Variants in TULP4 observed in about 807,000 individuals in gnomAD.
The protein encoded by TULP4 is tubby-related protein 4.
In TULP4, 16 loss-of-function variants were observed where a neutral mutation model predicts 129.0. That is an observed-to-expected ratio of 0.12 (90% CI 0.08 to 0.19). The LOEUF (loss-of-function observed/expected upper bound fraction) is 0.19. Among genes scored for constraint, TULP4 ranks in the 10% least tolerant of loss-of-function variants. The probability of loss-of-function intolerance (pLI) is 1.00; values close to 1 mark genes in which losing one functional copy is unlikely to be tolerated. For synonymous variants in TULP4, 998 were observed against 854.0 expected (o/e 1.17, Z -2.94); for missense variants, 1,842 against 2,059.1 (o/e 0.89, Z 2.04).
At chr6:158,444,025 C>T (rs969014652) in intron 3 of TULP4, among the ~76,000 whole-genome samples, 87 of 151,902 alleles carry the variant, frequency 5.7e-4, no homozygotes, top group African/African-American at 8.0e-4. Flanking sequence ...TGAGACCATC[C>T]TGGCTAACAC....
chr6:158,258,543 T>C (rs918760027), intron 1 of TULP4, among the ~76,000 whole-genome samples: 2 of 152,166 alleles, frequency 1.3e-5, no homozygotes, highest in Non-Finnish European at 2.9e-5. Flanking sequence ...GTCGTTGAGG[T>C]TCAGCAGAAG....
At chr6:158,500,933 A>G (rs7774086) in intron 12 of TULP4, among the ~76,000 whole-genome samples, 149,912 of 152,286 alleles carry the variant, frequency 0.98, 73,811 homozygotes, top group East Asian at 1. Context: ...GGTGGCGCTC[A>G]CCTGCAGTCC....
intron 8 of TULP4, among the ~76,000 whole-genome samples, chr6:158,489,321 T>A (rs969253234): frequency 6.6e-6 from 1 of 152,228 alleles, no homozygotes. Flanking sequence ...CATTTTGTTT[T>A]CAGCTTTTGG....
In TULP4 at chr6:158,262,141, C is replaced by T. The variant is rs117578501; in HGVS notation, n.68+29838C>T. Among the ~76,000 whole-genome samples the T allele has an allele frequency of 6.7e-3, 1,013 of 152,274 alleles. 4 individuals carry two copies. The highest frequency in any genetic ancestry group is 0.011 in the Non-Finnish European group (767 of 68,022). On this transcript the variant is annotated intron_variant and non_coding_transcript_variant, in intron 1 of 1. Transcript: ENST00000620026. ...TCTGCCTTGGTGTGGAAAGGGTGCA[C>T]CTCCATGCATATGGGAGAAGCACCA... is the stretch of plus-strand genomic sequence containing the variant.
At chr6:158,430,297 G>A (rs1160441207) in intron 3 of TULP4, among the ~76,000 whole-genome samples, 1 of 146,754 alleles carries the variant, frequency 6.8e-6, no homozygotes, top group Admixed American at 6.8e-5. Flanking sequence ...GTAAAAAGCT[G>A]GAGGGAAGTG....
intron 1 of TULP4, among the ~76,000 whole-genome samples, chr6:158,328,297 A>G (rs74553648): frequency 1.3e-3 from 191 of 151,760 alleles, no homozygotes; most frequent in Middle Eastern, 3.4e-3. Context: ...TGTTATTGTC[A>G]TCTTTTTTTT....
At chr6:158,402,554 A>G (rs1229326254) in intron 1 of TULP4, among the ~76,000 whole-genome samples, 3 of 152,208 alleles carry the variant, frequency 2.0e-5, no homozygotes, top group African/African-American at 7.2e-5. Flanking sequence ...AATTAACTGG[A>G]CTTTCTCACT....
At chr6:158,248,234 G>T (rs1778065090) in intron 1 of TULP4, among the ~76,000 whole-genome samples, 1 of 152,052 alleles carries the variant, frequency 6.6e-6, no homozygotes, top group Non-Finnish European at 1.5e-5. Flanking sequence ...TTGAATGCAG[G>T]AGTTGGAGAC....
At chr6:158,367,318 G>T (rs1011335327) in intron 1 of TULP4, among the ~76,000 whole-genome samples, 4 of 152,202 alleles carry the variant, frequency 2.6e-5, no homozygotes, top group South Asian at 2.1e-4. Context: ...GTAGGAGGAG[G>T]AGTCGTCAGC....
At chr6:158,304,571 T>A (rs1779183353) in intron 1 of TULP4, among the ~76,000 whole-genome samples, 1 of 152,188 alleles carries the variant, frequency 6.6e-6, no homozygotes, top group Admixed American at 6.5e-5. Context: ...TTTCAATCTG[T>A]TATTGAAAGA....
rs1316446897 is a variant in TULP4, at chr6:158,313,176, C to G, written c.-841C>G. 3.7e-6 allele frequency: 1 copy of G among 272,018 alleles called. No individual in the cohort carries two copies. Among genetic ancestry groups the G allele is most frequent in the Non-Finnish European group, 6.8e-6 (1 of 147,154 alleles). The allele number at this position is 272,018 out of a possible 1,614,324, so 16.9% of individuals were successfully genotyped here. A position where few individuals can be genotyped will look rare whatever the true frequency, so the allele number is the denominator to read the frequency against. On this transcript the variant is annotated 5_prime_UTR_variant, in exon 1 of 14. Transcript: ENST00000367097. ...CTGTAAGAGCGCTGGAACATTCTGC[C>G]TCTTGAGTGAAGGGGCCTTCTTTCT...
At chr6:158,377,841 A>T (rs563944822) in intron 1 of TULP4, among the ~76,000 whole-genome samples, 2 of 152,184 alleles carry the variant, frequency 1.3e-5, no homozygotes, top group Non-Finnish European at 2.9e-5. Context: ...ATATTGTAAT[A>T]TGAGAAACCA....
chr6:158,451,520 A>G (rs1338547646), intron 4 of TULP4, among the ~76,000 whole-genome samples: 1 of 152,192 alleles, frequency 6.6e-6, no homozygotes, highest in South Asian at 2.1e-4. Context: ...ATGGTCCATC[A>G]TGGCCCCTTC....
intron 1 of TULP4, among the ~76,000 whole-genome samples, chr6:158,362,448 C>T (rs1300128577): frequency 6.6e-6 from 1 of 152,030 alleles, no homozygotes; most frequent in Non-Finnish European, 1.5e-5. Flanking sequence ...CTCCTGGGCT[C>T]AAGCAATGCT....
intron 6 of TULP4, among the ~76,000 whole-genome samples, chr6:158,473,712 C>CCATGTTTCTTGTATTTTTAGTA (rs1779745728): frequency 6.6e-6 from 1 of 151,842 alleles, no homozygotes; most frequent in South Asian, 2.1e-4. Flanking sequence ...GTAGAGACAG[C>CCATGTTTCTTGTATTTTTAGTA]GTTTCACCAT....
chr6:158,430,772 A>G lies in TULP4; in HGVS notation c.543+875A>G, dbSNP rs531283644. Among the ~76,000 whole-genome samples the G allele has an allele frequency of 5.3e-5, 8 of 152,286 alleles. No individual in the cohort carries two copies. In the South Asian group the frequency reaches 1.2e-3, roughly 24 times the overall value. ...AAAATGAAATGAAAATTTTTAAAGT[A>G]TAAGGATTGACTAGTTAAAATCTTT... On this transcript the variant is annotated intron_variant, in intron 3 of 13. Coordinates refer to ENST00000367097, the MANE Select transcript of TULP4 (RefSeq NM_020245.5).
intron 1 of TULP4, among the ~76,000 whole-genome samples, chr6:158,399,292 G>C (rs755771783): frequency 1.3e-5 from 2 of 152,218 alleles, no homozygotes; most frequent in African/African-American, 2.4e-5. Context: ...AGTGACCTGA[G>C]GAAGGAAGCA....
intron 1 of TULP4, among the ~76,000 whole-genome samples, chr6:158,285,779 G>A (rs1488522308): frequency 6.6e-6 from 1 of 152,166 alleles, no homozygotes; most frequent in African/African-American, 2.4e-5. Context: ...TGCTCTCTGT[G>A]TCTTCCCTGT....
Position 158,493,847 on chromosome 6 carries a change from C to A in TULP4, c.1776+130C>A. 9.6e-7 allele frequency: 1 copy of A among 1,037,566 alleles called. No individual in the cohort carries two copies. Among genetic ancestry groups the A allele is most frequent in the Non-Finnish European group, 1.3e-6 (1 of 755,066 alleles). 64.3% of individuals were successfully genotyped at this position (1,037,566 alleles called of 1,614,324 possible). On this transcript the variant is annotated intron_variant, in intron 10 of 13. Coordinates refer to ENST00000367097, the MANE Select transcript of TULP4 (RefSeq NM_020245.5). This position sits in a 1 kb window ranked among gnomAD's most constrained non-coding sequence, Gnocchi z 4.4. ...CCTGAGCTCTGCTCCACATCCTGCA[C>A]ACCACCTACTACCTCAGGAGTAGCC...
Sources: gnomAD v4.1 joint callset for allele counts (sites outside exome capture counted in the v4.1 genomes callset) on GRCh38, gnomAD v4.1.1 for gene constraint, Gnocchi (gnomAD v3.1) non-coding constraint, MANE v1.5 for transcripts, NCBI Gene and HGNC (gene_info 2026-07-23, HGNC 2026-07-21) for gene names.